EBNA1BP2: variants seen among roughly 807,000 people sequenced by gnomAD.
EBNA1BP2 encodes the protein probable rRNA-processing protein EBP2.
A neutral mutation model predicts 43.5 loss-of-function variants in EBNA1BP2; 36 were observed. The observed-to-expected ratio is 0.83, with a 90% CI of 0.63 to 1.09. The LOEUF is 1.09. EBNA1BP2 is among the 50% of genes least tolerant of loss of function. The pLI, the probability that EBNA1BP2 is intolerant of heterozygous loss-of-function variation, is 0.00. For missense variants in EBNA1BP2, 332 were observed against 379.1 expected, an observed-to-expected ratio of 0.88 and a Z score of 1.03; for synonymous variants, 127 against 141.3, an observed-to-expected ratio of 0.90 and a Z score of 0.72.
Position 43,169,016 on chromosome 1 carries a change from G to C in EBNA1BP2, c.460C>G (p.Leu154Val), listed in dbSNP as rs1369837787. ...TCCATGGCAGCCTGTTTAGTCTGCA[G>C]CTTCTGTCGAATCTACAACACAAAA... ...DLQMQKIRQKLQTKQAAMERS... is the reference protein window; with the variant it reads ...DLQMQKIRQKVQTKQAAMERS... Residue 154 changes from leucine (L) to valine (V), a missense_variant, in exon 5 of 9, where the codon CTG becomes GTG. This residue lies in a region of EBNA1BP2 where 91 missense variants were observed against 152.1 expected (regional missense o/e 0.60). Coordinates refer to ENST00000236051, the MANE Select transcript of EBNA1BP2 (RefSeq NM_006824.3). 6.2e-7 allele frequency: 1 copy of C among 1,614,022 alleles called. No homozygotes were observed.
At position 43,170,842 on chromosome 1, in the gene EBNA1BP2, G is replaced by C. The variant is rs554720524; in HGVS notation, c.361C>G (p.Pro121Ala). The C allele has an allele frequency of 5.6e-5, 90 of 1,601,266 alleles. No individual in the cohort carries two copies. The South Asian group carries it at 9.8e-4, about 17-fold the overall frequency. ...GGGACTTTGAGCTGATGGAGGCGGG[G>C]TAAGACTGCAAGCACTGCGGCCTGG... ...QAQAAVLAVLPRLHQLKVPTK... is the reference protein window; with the variant it reads ...QAQAAVLAVLARLHQLKVPTK... Residue 121 changes from proline to alanine, a missense_variant, in exon 4 of 9, where the codon CCC becomes GCC. Pro to Ala is a conservative substitution (Grantham distance 27). Around this residue, in one of 3 missense-constraint regions of EBNA1BP2, gnomAD observed 182 missense variants for 173.7 expected, o/e 1.05. Transcript: ENST00000236051.
chr1:43,166,973 T>G, intron 6 of EBNA1BP2, 54 bp from the exon 7 acceptor site: 2 of 1,585,154 alleles, frequency 1.3e-6, no homozygotes, highest in South Asian at 1.1e-5. Flanking sequence ...AGAATAAAAG[T>G]TTAAACCACC....
Position 43,164,300 on chromosome 1 carries a change from A to C in EBNA1BP2, c.*143T>G. The C allele has an allele frequency of 1.1e-6, 1 of 898,500 alleles. No individual in the cohort carries two copies. Among genetic ancestry groups the C allele is most frequent in the South Asian group, 1.7e-5 (1 of 59,002 alleles). 55.7% of individuals were successfully genotyped at this position (898,500 alleles called of 1,614,324 possible). ...CTTTTAGTCTAGACTATTTAACCAA[A>C]GGTATGTGTTCCTTTAATAATTTTT... On this transcript the variant is annotated 3_prime_UTR_variant, in exon 9 of 9. Transcript: ENST00000236051.
intron 2 of EBNA1BP2, 61 bp downstream of exon 2, chr1:43,171,825 C>A: frequency 6.3e-7 from 1 of 1,598,780 alleles, no homozygotes; most frequent in Non-Finnish European, 8.5e-7. Flanking sequence ...GTCTCCCAAG[C>A]CCAACAGCGC....
intron 4 of EBNA1BP2, 46 bp from the exon 5 acceptor site, chr1:43,169,074 GACC>G (rs1428190758): frequency 6.3e-7 from 1 of 1,585,244 alleles, no homozygotes; most frequent in South Asian, 1.1e-5. Flanking sequence ...AATCTGGAAT[GACC>G]ACTACTTAGG....
intron 7 of EBNA1BP2, 25 bp from the exon 8 acceptor site, chr1:43,164,830 C>G (rs753873150): frequency 2.5e-6 from 4 of 1,611,798 alleles, no homozygotes; most frequent in Non-Finnish European, 3.4e-6. Flanking sequence ...TCCTAGACAT[C>G]ACTACAGCAC....
intron 3 of EBNA1BP2, 64 bp downstream of exon 3, chr1:43,171,415 C>T (rs1644968343): frequency 1.3e-6 from 2 of 1,514,256 alleles, no homozygotes; most frequent in African/African-American, 2.8e-5. Flanking sequence ...TTACTAATTT[C>T]CCCTCTTTCC....
chr1:43,166,051 G>A (rs1301574986), intron 7 of EBNA1BP2, among the ~76,000 whole-genome samples: 1 of 152,122 alleles, frequency 6.6e-6, no homozygotes, highest in African/African-American at 2.4e-5. Context: ...TGGTATCCAG[G>A]TATGCAAAAA....
chr1:43,170,634 G>C, intron 4 of EBNA1BP2, 122 bp downstream of exon 4: 1 of 1,387,192 alleles, frequency 7.2e-7, no homozygotes, highest in Non-Finnish European at 9.7e-7. Context: ...CTATGGAAGA[G>C]GTAATAATTG....
upstream of EBNA1BP2, chr1:43,172,378 T>A: frequency 6.4e-7 from 1 of 1,551,474 alleles, no homozygotes; most frequent in Non-Finnish European, 8.7e-7. Flanking sequence ...TTTGAAAGTG[T>A]CCGGGTTGCT....
At chr1:43,166,320 CT>C (rs1388791077) in intron 7 of EBNA1BP2, among the ~76,000 whole-genome samples, 5 of 152,114 alleles carry the variant, frequency 3.3e-5, no homozygotes, top group African/African-American at 1.2e-4. Context: ...TTAAAAGTAC[CT>C]TCTTAGGATG....
In EBNA1BP2 at chr1:43,171,478, C is replaced by G. The variant is rs774002054; in HGVS notation, c.323+1G>C. The G allele has an allele frequency of 3.7e-6, 6 of 1,605,644 alleles. No homozygotes were observed. The East Asian group carries it at 1.3e-4, about 36-fold the overall frequency. ...TCTCCAACATTTGAAAACAAACATA[C>G]AAACTCATCTCTCGCTGGAAGTCGT... On this transcript the variant is annotated splice_donor_variant, in intron 3 of 8. Transcript: ENST00000236051. LOFTEE classifies it high-confidence loss of function.
In EBNA1BP2 at chr1:43,172,211, GCCTT is replaced by G. The variant is rs1644989454; in HGVS notation, c.-97_-94del. The G allele has an allele frequency of 6.3e-7, 1 of 1,589,992 alleles. No individual in the cohort carries two copies. Among genetic ancestry groups the G allele is most frequent in the East Asian group, 2.3e-5 (1 of 43,562 alleles). On this transcript the variant is annotated 5_prime_UTR_variant, in exon 1 of 9. Coordinates refer to ENST00000236051, the MANE Select transcript of EBNA1BP2 (RefSeq NM_006824.3). Reference sequence around the variant, plus strand: ...AGGGCGGCCCTGGCCGCTGCTGCCTGCCTTCAGCCCCCTACTCCCACGCCGTGGC... The same window carrying G: ...AGGGCGGCCCTGGCCGCTGCTGCCTGCAGCCCCCTACTCCCACGCCGTGGC...
At position 43,172,247 on chromosome 1, in the gene EBNA1BP2, T is replaced by A; in HGVS notation, c.-129A>T. 6.4e-7 allele frequency: 1 copy of A among 1,560,402 alleles called. No homozygotes were observed. The highest frequency in any genetic ancestry group is 1.2e-5 in the South Asian group (1 of 85,920). On this transcript the variant is annotated 5_prime_UTR_variant, in exon 1 of 9. Coordinates refer to ENST00000236051, the MANE Select transcript of EBNA1BP2 (RefSeq NM_006824.3). Reference sequence around the variant, plus strand: ...CCTACTCCCACGCCGTGGCTCCACGTGCCACCGAATCGCTCCAGCGCCAGC... The same window carrying A: ...CCTACTCCCACGCCGTGGCTCCACGAGCCACCGAATCGCTCCAGCGCCAGC...
chr1:43,172,435 A>G (rs374812002), upstream of EBNA1BP2: 8 of 1,549,538 alleles, frequency 5.2e-6, no homozygotes, highest in African/African-American at 9.6e-5. Flanking sequence ...TGGTCTGCTG[A>G]CCCAGAGAGA....
rs1259794548 is a variant in EBNA1BP2 at position 43,169,042 on chromosome 1, T to C, written c.448-14A>G. ...CTTCTGTCGAATCTACAACACAAAA[T>C]GCTGTCAGTTCATGTCATTTGAATC... On this transcript the variant is annotated splice_polypyrimidine_tract_variant and intron_variant, in intron 4 of 8. Coordinates refer to ENST00000236051, the MANE Select transcript of EBNA1BP2 (RefSeq NM_006824.3). 6.2e-7 allele frequency: 1 copy of C among 1,613,562 alleles called. No homozygotes were observed. Among genetic ancestry groups the C allele is most frequent in the Non-Finnish European group, 8.5e-7 (1 of 1,179,726 alleles).
chr1:43,170,662 C>T (rs1262294096), intron 4 of EBNA1BP2, 94 bp downstream of exon 4: 5 of 1,514,998 alleles, frequency 3.3e-6, no homozygotes, highest in Non-Finnish European at 4.4e-6. Context: ...ACAACTGGCT[C>T]CCCGTTATTG....
At chr1:43,172,554 G>T, upstream of EBNA1BP2, 1 of 889,632 alleles carries the variant, frequency 1.1e-6, no homozygotes, top group East Asian at 3.2e-5. Flanking sequence ...TGGCGCGGAG[G>T]AGGACCCCGG....
chr1:43,164,721 G>C lies in EBNA1BP2; in HGVS notation c.792C>G (p.Ser264Arg). 1.2e-6 allele frequency: 2 copies of C among 1,614,222 alleles called. No individual in the cohort carries two copies. Among genetic ancestry groups the C allele is most frequent in the East Asian group, 2.2e-5 (1 of 44,888 alleles). ...KKGSKWNTRESYDDVSSFRAK... is the reference protein window; with the variant it reads ...KKGSKWNTRERYDDVSSFRAK... ...CCCGGAAGCTAGATACATCATCATA[G>C]CTCTCCCGAGTGTTCCACTTTGAGC... The change falls in exon 8 of 9, where the codon AGC becomes AGG. Residue 264 changes from serine to arginine, a missense_variant. By Grantham distance (110) the Ser-to-Arg change is moderately radical. Transcript: ENST00000236051.
Sources: gnomAD v4.1 joint callset for allele counts (sites outside exome capture counted in the v4.1 genomes callset) on GRCh38, gnomAD v4.1.1 for gene constraint, gnomAD v4.1.1 regional missense constraint, MANE v1.5 for transcripts, NCBI Gene and HGNC (gene_info 2026-07-23, HGNC 2026-07-21) for gene names.